The following TTBK2 variants were observed in gnomAD, a reference collection of about 807,000 sequenced individuals.
TTBK2 encodes the protein tau tubulin kinase 2.
Under a neutral mutation model 110.8 loss-of-function variants are expected in TTBK2, and 28 were observed. The observed-to-expected ratio is 0.25, with a 90% CI of 0.19 to 0.35. The LOEUF (loss-of-function observed/expected upper bound fraction) is 0.35. TTBK2 is among the 10% of genes least tolerant of loss of function. The probability of loss-of-function intolerance (pLI) is 1.00; values close to 1 mark genes in which losing one functional copy is unlikely to be tolerated. For synonymous variants in TTBK2, 532 were observed against 527.3 expected (o/e 1.01, Z -0.12); for missense variants, 1,369 against 1,500.3 (o/e 0.91, Z 1.45).
intron 4 of TTBK2, among the ~76,000 whole-genome samples, chr15:42,840,001 G>T (rs1387941314): frequency 1.3e-5 from 2 of 152,128 alleles, no homozygotes; most frequent in Non-Finnish European, 2.9e-5. Context: ...TGGGTATTCT[G>T]CAGCAGCACA....
intron 1 of TTBK2, among the ~76,000 whole-genome samples, chr15:42,886,840 C>A (rs192379263): frequency 6.6e-6 from 1 of 152,250 alleles, no homozygotes; most frequent in Admixed American, 6.5e-5. Context: ...GGAATGCCCA[C>A]AGCCTGGGAT....
intron 9 of TTBK2, among the ~76,000 whole-genome samples, chr15:42,806,572 T>G (rs1891477550): frequency 6.6e-6 from 1 of 152,178 alleles, no homozygotes; most frequent in Admixed American, 6.5e-5. Context: ...CTCTCCTTAT[T>G]TATTGTCTGA....
chr15:42,768,668 A>G (rs1889506439), intron 13 of TTBK2, among the ~76,000 whole-genome samples: 1 of 152,234 alleles, frequency 6.6e-6, no homozygotes, highest in African/African-American at 2.4e-5. Flanking sequence ...CAGTATCGTG[A>G]AAATGGCCAT....
rs1275295749 is a variant in TTBK2 at position 42,775,669 on chromosome 15, A to T, written c.1464T>A (p.Ala488=). 1.2e-6 allele frequency: 2 copies of T among 1,613,526 alleles called. No individual in the cohort carries two copies. Among genetic ancestry groups the T allele is most frequent in the Non-Finnish European group, 1.7e-6 (2 of 1,179,804 alleles). The change falls in exon 13 of 15, where the codon GCT becomes GCA. Residue 488 remains alanine (A), a synonymous_variant. Transcript: ENST00000267890. The part of the protein sequence containing the change: ...TSAGKESILP[A]LLHKPCVPAV... ...CAGGAACGCAAGGCTTATGCAGCAG[A>T]GCAGGGAGAATAGATTCTTTTCCTG...
At chr15:42,750,956 A>G (rs2061857250) in intron 14 of TTBK2, among the ~76,000 whole-genome samples, 1 of 152,256 alleles carries the variant, frequency 6.6e-6, no homozygotes, top group African/African-American at 2.4e-5. Context: ...AAGAAATGTC[A>G]ACTAAGAATC....
chr15:42,829,852 A>G (rs1186291929), intron 5 of TTBK2, 86 bp downstream of exon 5: 27 of 1,565,328 alleles, frequency 1.7e-5, no homozygotes, highest in Non-Finnish European at 2.4e-5. Flanking sequence ...GCAAATACAC[A>G]AAGCTACATT....
rs1027634839 is a variant in TTBK2, at chr15:42,738,989, G to A, written c.*6806C>T. On this transcript the variant is annotated 3_prime_UTR_variant, in exon 15 of 15. Coordinates refer to ENST00000267890, the MANE Select transcript of TTBK2 (RefSeq NM_173500.4). ...CAGAACTAGATTTTGCATGCGGAAT[G>A]AATATTTTATTACTAGGTTATAAAA... 2.0e-5 allele frequency: 3 copies of A among 152,122 alleles called. No individual in the cohort carries two copies. The highest frequency in any genetic ancestry group is 4.8e-5 in the African/African-American group (2 of 41,426). 9.4% of individuals were successfully genotyped at this position (152,122 alleles called of 1,614,324 possible). A position where few individuals can be genotyped will look rare whatever the true frequency, so the allele number is the denominator to read the frequency against.
At chr15:42,810,588 C>A (rs781352754) in intron 9 of TTBK2, 26 bp downstream of exon 9, 30 of 1,612,768 alleles carry the variant, frequency 1.9e-5, no homozygotes, top group Non-Finnish European at 2.5e-5. Flanking sequence ...AAATAACTAA[C>A]CCACAGAACT....
intron 10 of TTBK2, among the ~76,000 whole-genome samples, chr15:42,792,068 C>T (rs909283890): frequency 1.3e-5 from 2 of 152,076 alleles, no homozygotes; most frequent in East Asian, 3.9e-4. Context: ...ACCTGAGAGG[C>T]GGAGGTTGCA....
chr15:42,751,438 A>G (rs1276274214), intron 14 of TTBK2, among the ~76,000 whole-genome samples: 1 of 152,268 alleles, frequency 6.6e-6, no homozygotes, highest in Admixed American at 6.5e-5. Context: ...CTGTACACTT[A>G]AAAATGATTA....
chr15:42,901,125 C>T (rs1042202481), intron 1 of TTBK2, among the ~76,000 whole-genome samples: 12 of 152,092 alleles, frequency 7.9e-5, no homozygotes, highest in Admixed American at 5.2e-4. Flanking sequence ...CTTTGGGAGG[C>T]CGAGGCAGGT....
intron 13 of TTBK2, among the ~76,000 whole-genome samples, chr15:42,769,242 A>G (rs1889543334): frequency 6.6e-6 from 1 of 152,258 alleles, no homozygotes; most frequent in African/African-American, 2.4e-5. Flanking sequence ...AATGGCAACA[A>G]AAGCCAAAAT....
chr15:42,887,165 G>T (rs11070383), intron 1 of TTBK2, among the ~76,000 whole-genome samples: 146,496 of 152,278 alleles, frequency 0.96, 70,552 homozygotes, highest in Middle Eastern at 1. Context: ...CCAACACTGG[G>T]GCCAACTTGG....
chr15:42,883,775 C>T (rs1596020728), intron 1 of TTBK2, among the ~76,000 whole-genome samples: 2 of 152,144 alleles, frequency 1.3e-5, no homozygotes, highest in East Asian at 3.9e-4. Flanking sequence ...GGCATAAACA[C>T]ACCACTGAAA....
rs755173026 is a variant in TTBK2 at position 42,775,650 on chromosome 15, C to T, written c.1483G>A (p.Val495Ile). 38 of 1,612,958 alleles carry T rather than the reference C, an allele frequency of 2.4e-5. No individual in the cohort carries two copies. The highest frequency in any genetic ancestry group is 1.0e-4 in the Admixed American group (6 of 59,908). Residue 495 changes from valine (V) to isoleucine (I), a missense_variant, in exon 13 of 15, where the codon GTT (valine) becomes ATT (isoleucine). Physicochemically the swap from Val to Ile is conservative, Grantham distance 29. This residue lies in a region of TTBK2 where 1,097 missense variants were observed against 1,114.7 expected (regional missense o/e 0.98). Transcript: ENST00000267890. ...ILPALLHKPC[V>I]PAVSRTDHIW... ...TGGTCAGTACGGGACACAGCAGGAA[C>T]GCAAGGCTTATGCAGCAGAGCAGGG... is the stretch of plus-strand genomic sequence containing the variant.
chr15:42,831,326 G>A, intron 4 of TTBK2, among the ~76,000 whole-genome samples: 1 of 152,060 alleles, frequency 6.6e-6, no homozygotes, highest in Non-Finnish European at 1.5e-5. Context: ...CTCCTGACAT[G>A]CTGGGATTAC....
Position 42,783,535 on chromosome 15 carries a change from C to G in TTBK2, c.1081G>C (p.Val361Leu), listed in dbSNP as rs201163413. The part of the protein sequence containing the change: ...QLSDGENGIP[V>L]GVSPDKLPGS... Reference sequence around the variant, plus strand: ...GGCAATTTATCTGGTGACACACCAACAGGGATGCCATTTTCTCCATCGCTA... The same window carrying G: ...GGCAATTTATCTGGTGACACACCAAGAGGGATGCCATTTTCTCCATCGCTA... The change falls in exon 11 of 15, where the codon GTT becomes CTT. Residue 361 changes from valine to leucine, a missense_variant. Val to Leu is a conservative substitution (Grantham distance 32, BLOSUM62 1). Around this residue, in one of 4 missense-constraint regions of TTBK2, gnomAD observed 1,097 missense variants for 1,114.7 expected, o/e 0.98. Coordinates refer to ENST00000267890, the MANE Select transcript of TTBK2 (RefSeq NM_173500.4). 3 of 1,614,012 alleles carry G rather than the reference C, an allele frequency of 1.9e-6. No homozygotes were observed. The highest frequency in any genetic ancestry group is 2.5e-6 in the Non-Finnish European group (3 of 1,180,048).
chr15:42,869,514 G>T (rs1292053322), intron 3 of TTBK2, among the ~76,000 whole-genome samples: 1 of 151,310 alleles, frequency 6.6e-6, no homozygotes, highest in African/African-American at 2.4e-5. Flanking sequence ...ATGGAGAAGT[G>T]AAGATATGTA....
chr15:42,763,553 C>T (rs1024380175), intron 13 of TTBK2, among the ~76,000 whole-genome samples: 8 of 151,834 alleles, frequency 5.3e-5, no homozygotes, highest in South Asian at 2.1e-4. Flanking sequence ...GAAAGGATAT[C>T]GAATGCTCCC....
Sources: allele counts gnomAD v4.1 joint callset (sites outside exome capture counted in the v4.1 genomes callset), GRCh38; gene constraint gnomAD v4.1.1; regional missense constraint gnomAD v4.1.1; transcripts MANE v1.5; gene names NCBI Gene and HGNC (gene_info 2026-07-23, HGNC 2026-07-21).